Variants in WDR49 observed in about 807,000 individuals in gnomAD.
WDR49 encodes the protein WD repeat domain 49.
In WDR49, 107 loss-of-function variants were observed where a neutral mutation model predicts 119.5. The observed-to-expected ratio is 0.90, with a 90% CI of 0.77 to 1.05. The LOEUF is 1.05. WDR49 is among the 50% of genes least tolerant of loss of function. The pLI, the probability that WDR49 is intolerant of heterozygous loss-of-function variation, is 0.00. For missense variants in WDR49, 1,240 were observed against 1,220.5 expected (o/e 1.02, Z -0.24); for synonymous variants, 425 against 418.8 (o/e 1.01, Z -0.18).
chr3:167,500,126 A>G (rs777531862), intron 18 of WDR49, 27 bp downstream of exon 18: 1 of 1,529,112 alleles, frequency 6.5e-7, no homozygotes, highest in Admixed American at 2.4e-5. Flanking sequence ...GAGGGATAAT[A>G]GAGGTGTATG....
intron 16 of WDR49, among the ~76,000 whole-genome samples, chr3:167,507,148 T>A (rs1751800774): frequency 1.3e-5 from 2 of 152,144 alleles, no homozygotes; most frequent in Non-Finnish European, 2.9e-5. Context: ...TCAAGCACAA[T>A]GCACATTTAA....
intron 9 of WDR49, among the ~76,000 whole-genome samples, chr3:167,559,284 T>C (rs1346471609): frequency 1.3e-5 from 2 of 152,186 alleles, no homozygotes; most frequent in African/African-American, 4.8e-5. Flanking sequence ...ATAGCAGGTT[T>C]GAGAAACATT....
At position 167,505,340 on chromosome 3, in the gene WDR49, GT is replaced by G; in HGVS notation, c.2850del (p.Lys950AsnfsTer8). On this transcript the variant is annotated frameshift_variant, in exon 17 of 19. Transcript: ENST00000682715. LOFTEE classifies it high-confidence loss of function. ...TTTTTTATAACTTCACCATAATAAGGTTTTTGTGTTTCTTTCATGCAGGTAC... is the reference window on the plus strand; with the variant it reads ...TTTTTTATAACTTCACCATAATAAGGTTTTGTGTTTCTTTCATGCAGGTAC... ...ERSTCMKETQ[K>X]PYYGEVIKKS... The G allele has an allele frequency of 4.6e-6, 7 of 1,525,664 alleles. No individual in the cohort carries two copies. Among genetic ancestry groups the G allele is most frequent in the Non-Finnish European group, 6.1e-6 (7 of 1,144,572 alleles). 94.5% of individuals were successfully genotyped at this position (1,525,664 alleles called of 1,614,324 possible).
chr3:167,503,492 A>G (rs747925593), intron 17 of WDR49, among the ~76,000 whole-genome samples: 1 of 152,332 alleles, frequency 6.6e-6, no homozygotes, highest in African/African-American at 2.4e-5. Context: ...GGTGAGTGTT[A>G]TAGCTCTATT....
chr3:167,531,880 A>C (rs139365136), intron 12 of WDR49, among the ~76,000 whole-genome samples: 1 of 152,164 alleles, frequency 6.6e-6, no homozygotes, highest in South Asian at 2.1e-4. Flanking sequence ...CAAAATTCCA[A>C]AATAAGAAAT....
At chr3:167,564,287 T>C (rs1713453068) in intron 8 of WDR49, among the ~76,000 whole-genome samples, 1 of 152,354 alleles carries the variant, frequency 6.6e-6, no homozygotes, top group East Asian at 1.9e-4. Flanking sequence ...AAACTGACTA[T>C]GTCTCAAACA....
chr3:167,603,724 T>C (rs1174591563), intron 6 of WDR49, among the ~76,000 whole-genome samples: 1 of 152,186 alleles, frequency 6.6e-6, no homozygotes, highest in African/African-American at 2.4e-5. Context: ...AGTTAATGCC[T>C]GAGAAAGGTT....
chr3:167,594,763 A>G (rs1715323217), intron 7 of WDR49, among the ~76,000 whole-genome samples: 1 of 151,400 alleles, frequency 6.6e-6, no homozygotes, highest in African/African-American at 2.4e-5. Flanking sequence ...CCAATATCAT[A>G]CTGAATGGGC....
At chr3:167,651,874 G>C (rs1170187719) in intron 2 of WDR49, among the ~76,000 whole-genome samples, 1 of 152,112 alleles carries the variant, frequency 6.6e-6, no homozygotes. Flanking sequence ...TTCTGAAGCA[G>C]TTTCACCAAC....
At chr3:167,546,349 G>T (rs897250777) in intron 10 of WDR49, among the ~76,000 whole-genome samples, 2 of 151,892 alleles carry the variant, frequency 1.3e-5, no homozygotes, top group Non-Finnish European at 2.9e-5. Flanking sequence ...ACTTTCATTT[G>T]AAATGACAGT....
chr3:167,522,976 A>G (rs1752508535), intron 15 of WDR49, among the ~76,000 whole-genome samples: 1 of 152,194 alleles, frequency 6.6e-6, no homozygotes, highest in East Asian at 1.9e-4. Flanking sequence ...TACACTTCTT[A>G]AAATGCATTC....
rs115110423 is a variant in WDR49, at chr3:167,613,413, G to A, written c.958+7016C>T. Among the ~76,000 whole-genome samples the A allele has an allele frequency of 2.3e-3, 351 of 152,238 alleles. 1 individual carries two copies. The highest frequency in any genetic ancestry group is 7.8e-3 in the African/African-American group (325 of 41,528). On this transcript the variant is annotated intron_variant, in intron 5 of 18. Coordinates refer to ENST00000682715, the MANE Select transcript of WDR49 (RefSeq NM_001366157.1). ...AATAGAGCCCTTTCCTCAAACCAAG[G>A]CCACTGCTCACAGCGGATTTCAACT...
At chr3:167,532,782 A>G in intron 12 of WDR49, 97 bp downstream of exon 12, 1 of 752,272 alleles carries the variant, frequency 1.3e-6, no homozygotes, top group Non-Finnish European at 2.2e-6. Flanking sequence ...CCAATCATCT[A>G]TAATTTAGGA....
At chr3:167,513,484 C>T (rs147411026) in intron 16 of WDR49, among the ~76,000 whole-genome samples, 12 of 152,214 alleles carry the variant, frequency 7.9e-5, no homozygotes, top group South Asian at 2.1e-4. Flanking sequence ...AAGGAAAAAC[C>T]GTTATCAGTC....
At chr3:167,602,938 A>T (rs1217385318) in intron 6 of WDR49, among the ~76,000 whole-genome samples, 1 of 152,156 alleles carries the variant, frequency 6.6e-6, no homozygotes, top group Non-Finnish European at 1.5e-5. Context: ...GCAATAGGCT[A>T]CAGCATATAG....
chr3:167,480,247 T>TAAAAAAAA (rs1162973369), intron 18 of WDR49, among the ~76,000 whole-genome samples: 1 of 55,094 alleles, frequency 1.8e-5, no homozygotes, highest in African/African-American at 8.1e-5. Flanking sequence ...AGACTCTGTC[T>TAAAAAAAA]AAAAAAAAAA....
chr3:167,534,427 CTT>C (rs1375108021), intron 11 of WDR49, among the ~76,000 whole-genome samples: 1 of 152,176 alleles, frequency 6.6e-6, no homozygotes, highest in East Asian at 1.9e-4. Flanking sequence ...CCATTTTACA[CTT>C]CAGTGCCCAT....
intron 18 of WDR49, among the ~76,000 whole-genome samples, chr3:167,488,886 A>G (rs945252812): frequency 1.3e-5 from 2 of 152,110 alleles, no homozygotes; most frequent in African/African-American, 4.8e-5. Context: ...TGTCCCTGGA[A>G]CATGTCAATT....
chr3:167,582,991 G>C (rs371697329), intron 7 of WDR49, among the ~76,000 whole-genome samples: 4 of 149,664 alleles, frequency 2.7e-5, no homozygotes, highest in African/African-American at 7.3e-5. Flanking sequence ...CACACACACA[G>C]ATAGAGAGAG....
Sources: gnomAD v4.1 joint callset for allele counts (sites outside exome capture counted in the v4.1 genomes callset) on GRCh38, gnomAD v4.1.1 for gene constraint, MANE v1.5 for transcripts, NCBI Gene and HGNC (gene_info 2026-07-23, HGNC 2026-07-21) for gene names.